HNF1B: variants seen among roughly 807,000 people sequenced by gnomAD.
HNF1B encodes hepatocyte nuclear factor 1-beta.
In HNF1B, 8 loss-of-function variants were observed where a neutral mutation model predicts 61.7. The ratio of observed to expected loss-of-function variants is 0.13; its 90% CI spans 0.08 to 0.23. The LOEUF is 0.23. Among genes scored for constraint, HNF1B ranks in the 10% least tolerant of loss-of-function variants. The pLI is 1.00. For missense variants in HNF1B, 562 were observed against 714.5 expected, an observed-to-expected ratio of 0.79 and a Z score of 2.43; for synonymous variants, 314 against 287.7, an observed-to-expected ratio of 1.09 and a Z score of -0.93.
chr17:37,712,601 A>G (rs1275130100), intron 4 of HNF1B, among the ~76,000 whole-genome samples: 1 of 152,164 alleles, frequency 6.6e-6, no homozygotes, highest in Non-Finnish European at 1.5e-5. Context: ...CAAATAAATA[A>G]CAGGAAGAAT....
At chr17:37,732,392 C>G (rs1440558244) in intron 3 of HNF1B, among the ~76,000 whole-genome samples, 2 of 152,166 alleles carry the variant, frequency 1.3e-5, no homozygotes, top group Non-Finnish European at 2.9e-5. Flanking sequence ...ACCTCAAAAC[C>G]AGGTGCGAGA....
chr17:37,700,957 C>T, intron 7 of HNF1B, 26 bp downstream of exon 7: 2 of 1,548,810 alleles, frequency 1.3e-6, no homozygotes, highest in Non-Finnish European at 1.7e-6. Flanking sequence ...TGAGTGCTCC[C>T]TCCCTCCACA....
At chr17:37,735,497 A>G (rs928550385) in intron 2 of HNF1B, among the ~76,000 whole-genome samples, 14 of 152,158 alleles carry the variant, frequency 9.2e-5, no homozygotes, top group Admixed American at 2.6e-4. Flanking sequence ...TTCACCTTGG[A>G]GGATTCTTAG....
chr17:37,708,696 G>A (rs940517182), intron 5 of HNF1B, among the ~76,000 whole-genome samples: 1 of 152,176 alleles, frequency 6.6e-6, no homozygotes, highest in Admixed American at 6.5e-5. Flanking sequence ...CCTCTCACAG[G>A]TAACTGACAC....
At chr17:37,723,564 G>A (rs1434010393) in intron 4 of HNF1B, among the ~76,000 whole-genome samples, 1 of 152,112 alleles carries the variant, frequency 6.6e-6, no homozygotes, top group Non-Finnish European at 1.5e-5. Context: ...CCTTGTGGAT[G>A]TCACAGAGAA....
chr17:37,741,270 A>G (rs891351925), intron 1 of HNF1B, among the ~76,000 whole-genome samples: 1 of 152,244 alleles, frequency 6.6e-6, no homozygotes, highest in Non-Finnish European at 1.5e-5. Context: ...AACATATTTT[A>G]TAAGCATTTG....
At chr17:37,721,715 CTCTCT>C (rs1249560428) in intron 4 of HNF1B, among the ~76,000 whole-genome samples, 7 of 125,084 alleles carry the variant, frequency 5.6e-5, no homozygotes, top group South Asian at 2.6e-4. Flanking sequence ...CCAAATCTCT[CTCTCT>C]TTTTTTTTTT....
chr17:37,688,175 G>T (rs1391646789), intron 8 of HNF1B, among the ~76,000 whole-genome samples: 1 of 152,176 alleles, frequency 6.6e-6, no homozygotes, highest in Non-Finnish European at 1.5e-5. Context: ...GCCCTCGAGA[G>T]AAGCCACCTC....
rs765852199 is a variant in HNF1B at position 37,733,797 on chromosome 17, G to A, written c.569C>T (p.Ser190Phe). Reference sequence around the variant, plus strand: ...ACTGCTTTTGTCTGTCATATTTCCAGAACTCTGGACTGTCTGGTTGAATTC... The same window carrying A: ...ACTGCTTTTGTCTGTCATATTTCCAAAACTCTGGACTGTCTGGTTGAATTC... Reference protein sequence around the residue: ...LRQFNQTVQSSGNMTDKSSQD... With the variant: ...LRQFNQTVQSFGNMTDKSSQD... The change falls in exon 3 of 9, where the codon TCT (serine) becomes TTT (phenylalanine). Residue 190 changes from serine (S) to phenylalanine (F), a missense_variant. Around this residue, in one of 6 missense-constraint regions of HNF1B, gnomAD observed 69 missense variants for 81.2 expected, o/e 0.85. Coordinates refer to ENST00000617811, the MANE Select transcript of HNF1B (RefSeq NM_000458.4). The A allele has an allele frequency of 8.1e-6, 13 of 1,614,176 alleles. No homozygotes were observed. The highest frequency in any genetic ancestry group is 9.3e-6 in the Non-Finnish European group (11 of 1,180,040).
intron 6 of HNF1B, among the ~76,000 whole-genome samples, chr17:37,702,618 G>T (rs1226719603): frequency 2.6e-5 from 4 of 152,192 alleles, no homozygotes; most frequent in Non-Finnish European, 4.4e-5. Flanking sequence ...TGAGAGCACT[G>T]CTGCTGCTCT....
At chr17:37,743,547 G>A (rs2034067520) in intron 1 of HNF1B, among the ~76,000 whole-genome samples, 1 of 152,250 alleles carries the variant, frequency 6.6e-6, no homozygotes, top group Non-Finnish European at 1.5e-5. Context: ...CTGCGGACGT[G>A]CGGCCAAGGC....
chr17:37,694,699 G>A (rs927493792), intron 8 of HNF1B, among the ~76,000 whole-genome samples: 3 of 152,000 alleles, frequency 2.0e-5, no homozygotes, highest in African/African-American at 4.8e-5. Flanking sequence ...CCCTCCTTAC[G>A]CCCAGGCAGA....
chr17:37,693,652 A>G (rs2032281958), intron 8 of HNF1B, among the ~76,000 whole-genome samples: 1 of 152,140 alleles, frequency 6.6e-6, no homozygotes, highest in Non-Finnish European at 1.5e-5. Context: ...TGACCAAGAA[A>G]TCCTTCTCTC....
At chr17:37,711,871 C>T (rs189277753) in intron 4 of HNF1B, among the ~76,000 whole-genome samples, 41 of 152,248 alleles carry the variant, frequency 2.7e-4, no homozygotes, top group African/African-American at 9.9e-4. Context: ...CTCTTTCATC[C>T]ACCCACCCCC....
chr17:37,706,045 G>A (rs758928508), intron 5 of HNF1B, among the ~76,000 whole-genome samples: 2 of 151,994 alleles, frequency 1.3e-5, no homozygotes, highest in Non-Finnish European at 2.9e-5. Flanking sequence ...TGCAACCTCC[G>A]CCTTGTGGGT....
chr17:37,739,695 T>C lies in HNF1B; in HGVS notation c.345-56A>G, dbSNP rs551863194. 7.1e-4 allele frequency: 1,020 copies of C among 1,434,258 alleles called. 5 individuals are homozygous for C. Among genetic ancestry groups the C allele is most frequent in the Middle Eastern group, 5.2e-3 (30 of 5,744 alleles). 88.8% of individuals were successfully genotyped at this position (1,434,258 alleles called of 1,614,324 possible). On this transcript the variant is annotated intron_variant, in intron 1 of 8. Transcript: ENST00000617811. ...AGTGGGAGACATCTGGGGAGAAACA[T>C]TCTTTTTCTAGGGGGTGCTACCTAT...
chr17:37,700,389 G>C (rs1224974548), intron 7 of HNF1B, among the ~76,000 whole-genome samples: 1 of 152,258 alleles, frequency 6.6e-6, no homozygotes. Context: ...TCTGTGTGCA[G>C]AGATGCAGGG....
intron 4 of HNF1B, 30 bp from the exon 5 acceptor site, chr17:37,710,693 C>T: frequency 6.2e-7 from 1 of 1,604,068 alleles, no homozygotes; most frequent in Non-Finnish European, 8.5e-7. Context: ...CAGTAGGGAA[C>T]ATTAGTGCCA....
intron 4 of HNF1B, chr17:37,720,968 GT>G: frequency 1.0e-6 from 1 of 984,932 alleles, no homozygotes; most frequent in Non-Finnish European, 1.2e-6. Flanking sequence ...AAGCACTTTT[GT>G]GCCCATCGTG....
Sources: gnomAD v4.1 joint callset for allele counts (sites outside exome capture counted in the v4.1 genomes callset) on GRCh38, gnomAD v4.1.1 for gene constraint, gnomAD v4.1.1 regional missense constraint, MANE v1.5 for transcripts, NCBI Gene and HGNC (gene_info 2026-07-23, HGNC 2026-07-21) for gene names.